The following NCF2 variants were observed in gnomAD, a reference collection of about 807,000 sequenced individuals.
The protein encoded by NCF2 is neutrophil cytosol factor 2.
NCF2 carries 45 observed loss-of-function variants against 70.9 expected under a neutral mutation model. The observed-to-expected ratio is 0.63, with a 90% CI of 0.50 to 0.81. NCF2 has a LOEUF of 0.81. Ranked by LOEUF, NCF2 falls within the 40% of genes least tolerant of loss-of-function variation. The pLI is 0.00. For synonymous variants in NCF2, 203 were observed against 233.6 expected (o/e 0.87, Z 1.19); for missense variants, 522 against 631.6 (o/e 0.83, Z 1.86).
rs2296165 is a variant in NCF2 at position 183,586,828 on chromosome 1, C to T, written c.257+67G>A. ...GAAGGTACTGCTCAAACACCAAGCCCGCAACACTGAGACCCCTTGGGTTTC... is the reference window on the plus strand; with the variant it reads ...GAAGGTACTGCTCAAACACCAAGCCTGCAACACTGAGACCCCTTGGGTTTC... On this transcript the variant is annotated intron_variant, in intron 2 of 14. Transcript: ENST00000367535. 1.2e-3 allele frequency: 1,762 copies of T among 1,459,590 alleles called. 34 individuals are homozygous for T. The East Asian group carries it at 0.032, about 27-fold the overall frequency. 90.4% of individuals were successfully genotyped at this position (1,459,590 alleles called of 1,614,324 possible).
chr1:183,559,102 T>C (rs1671923689), intron 14 of NCF2, among the ~76,000 whole-genome samples: 1 of 152,094 alleles, frequency 6.6e-6, no homozygotes, highest in Admixed American at 6.5e-5. Context: ...TTGGTAGAAA[T>C]GCAAGTTGGT....
At chr1:183,566,335 G>T (rs1420860565) in intron 9 of NCF2, among the ~76,000 whole-genome samples, 2 of 152,216 alleles carry the variant, frequency 1.3e-5, no homozygotes, top group African/African-American at 2.4e-5. Flanking sequence ...GTGTGAGGGA[G>T]GGAGTAGCAG....
At chr1:183,598,508 G>C in the NCF2 span, among the ~76,000 whole-genome samples, 6 of 151,808 alleles carry the variant, frequency 4.0e-5, no homozygotes, top group South Asian at 1.2e-3. Flanking sequence ...TGACCAAGGA[G>C]AAATCCAAAT....
intron 7 of NCF2, among the ~76,000 whole-genome samples, chr1:183,568,627 G>A (rs1672411840): frequency 6.6e-6 from 1 of 151,020 alleles, no homozygotes; most frequent in Non-Finnish European, 1.5e-5. Context: ...TCTTCAGAAA[G>A]CATGTGCCGA....
At chr1:183,591,511 TCACTCTTGTTG>T (rs1673645833), upstream of NCF2, among the ~76,000 whole-genome samples, 1 of 151,552 alleles carries the variant, frequency 6.6e-6, no homozygotes, top group African/African-American at 2.4e-5. Context: ...AGACGGAGTT[TCACTCTTGTTG>T]CCCAGGCTGG....
chr1:183,583,796 A>G (rs1673219766), intron 2 of NCF2, among the ~76,000 whole-genome samples: 1 of 152,242 alleles, frequency 6.6e-6, no homozygotes, highest in Admixed American at 6.5e-5. Context: ...GCTGGACCAC[A>G]TAGGAACAGG....
chr1:183,559,207 T>G (rs1209674974), intron 14 of NCF2, among the ~76,000 whole-genome samples: 4 of 152,042 alleles, frequency 2.6e-5, no homozygotes, highest in African/African-American at 9.7e-5. Context: ...CTCTCCACTT[T>G]TAAGAGGTGG....
At chr1:183,568,505 G>A (rs1029989931) in intron 7 of NCF2, among the ~76,000 whole-genome samples, 1 of 151,862 alleles carries the variant, frequency 6.6e-6, no homozygotes. Flanking sequence ...GGGAGGACCA[G>A]GCTTGCTTCA....
chr1:183,600,204 C>T, the NCF2 span, among the ~76,000 whole-genome samples: 1 of 152,180 alleles, frequency 6.6e-6, no homozygotes, highest in Non-Finnish European at 1.5e-5. Flanking sequence ...GCCCAAACAT[C>T]GGAAGATGAC....
intron 2 of NCF2, among the ~76,000 whole-genome samples, chr1:183,582,528 C>T (rs1673163428): frequency 2.6e-5 from 4 of 152,208 alleles, no homozygotes; most frequent in Admixed American, 2.6e-4. Context: ...TGCTTGTTCC[C>T]ATGCTGCCAG....
chr1:183,599,701 ACCACCACG>A, the NCF2 span, among the ~76,000 whole-genome samples: 1 of 151,648 alleles, frequency 6.6e-6, no homozygotes, highest in South Asian at 2.1e-4. Context: ...ACAGGCGAGC[ACCACCACG>A]CCTGGCTAAT....
chr1:183,580,933 C>T (rs1673032740), intron 2 of NCF2, among the ~76,000 whole-genome samples: 1 of 148,484 alleles, frequency 6.7e-6, no homozygotes, highest in Non-Finnish European at 1.5e-5. Context: ...GAGCCAAAAC[C>T]ATGCCACTGC....
chr1:183,587,258 T>C (rs1430231845), intron 1 of NCF2, among the ~76,000 whole-genome samples: 1 of 152,146 alleles, frequency 6.6e-6, no homozygotes, highest in Non-Finnish European at 1.5e-5. Flanking sequence ...CCATCTGATT[T>C]CTGCTTTTGT....
intron 2 of NCF2, among the ~76,000 whole-genome samples, chr1:183,579,158 A>G (rs1179914243): frequency 6.6e-6 from 1 of 152,246 alleles, no homozygotes; most frequent in Non-Finnish European, 1.5e-5. Context: ...AGGGGCCAGG[A>G]GCCAGAGTCC....
At chr1:183,558,674 C>G (rs920332587) in intron 14 of NCF2, among the ~76,000 whole-genome samples, 5 of 152,192 alleles carry the variant, frequency 3.3e-5, no homozygotes, top group Non-Finnish European at 5.9e-5. Flanking sequence ...AAGCGATTCT[C>G]TTGCCTCAGC....
chr1:183,598,341 T>C, the NCF2 span: 1 of 152,146 alleles, frequency 6.6e-6, no homozygotes. Flanking sequence ...GACTCTAAAA[T>C]AATCAATTGC....
At position 183,573,232 on chromosome 1, in the gene NCF2, T is replaced by C. The variant is rs1487503950; in HGVS notation, c.562A>G (p.Arg188Gly). Residue 188 changes from arginine (R) to glycine (G), a missense_variant, in exon 5 of 15, where the codon AGA becomes GGA. By Grantham distance (125) the Arg-to-Gly change is moderately radical. Transcript: ENST00000367535. ...TTCTTGGCCAGCTGAGCCACTTGTC[T>C]CTCATTTGGTCGAAACAGCTTGCCC... ...PVGKLFRPNERQVAQLAKKDY... is the reference protein window; with the variant it reads ...PVGKLFRPNEGQVAQLAKKDY... 2 of 1,614,112 alleles carry C rather than the reference T, an allele frequency of 1.2e-6. No homozygotes were observed. Among genetic ancestry groups the C allele is most frequent in the East Asian group, 2.2e-5 (1 of 44,882 alleles).
In NCF2 at chr1:183,555,622, T is replaced by G. The variant is rs1197928261; in HGVS notation, c.*496A>C. The G allele has an allele frequency of 1.2e-5, 2 of 173,056 alleles. No homozygotes were observed. Among genetic ancestry groups the G allele is most frequent in the African/African-American group, 4.8e-5 (2 of 41,786 alleles). The allele number at this position is 173,056 out of a possible 1,614,324, so 10.7% of individuals were successfully genotyped here. A position where few individuals can be genotyped will look rare whatever the true frequency, so the allele number is the denominator to read the frequency against. On this transcript the variant is annotated 3_prime_UTR_variant, in exon 15 of 15. Coordinates refer to ENST00000367535, the MANE Select transcript of NCF2 (RefSeq NM_000433.4). ...CCTTATGAGTAACCTATAAGGTTAC[T>G]TCAAGCCTTAAGAGCCAATTACAGT...
intron 9 of NCF2, among the ~76,000 whole-genome samples, chr1:183,566,487 T>C (rs1015781199): frequency 1.3e-5 from 2 of 152,226 alleles, no homozygotes; most frequent in Non-Finnish European, 2.9e-5. Context: ...CAAGTGATCC[T>C]CTCACCTCAG....
Sources: gnomAD v4.1 joint callset for allele counts (sites outside exome capture counted in the v4.1 genomes callset) on GRCh38, gnomAD v4.1.1 for gene constraint, MANE v1.5 for transcripts, NCBI Gene and HGNC (gene_info 2026-07-23, HGNC 2026-07-21) for gene names.